The following OSBPL11 variants were observed in gnomAD, a reference collection of about 807,000 sequenced individuals.
OSBPL11 encodes oxysterol-binding protein-related protein 11.
OSBPL11 carries 33 observed loss-of-function variants against 84.4 expected under a neutral mutation model. That is an observed-to-expected ratio of 0.39 (90% CI 0.30 to 0.52). OSBPL11 has a LOEUF of 0.52. Among genes scored for constraint, OSBPL11 ranks in the 20% least tolerant of loss-of-function variants. OSBPL11 has a pLI of 0.72. For synonymous variants in OSBPL11, 276 were observed against 310.2 expected (o/e 0.89, Z 1.16); for missense variants, 736 against 901.1 (o/e 0.82, Z 2.35).
At chr3:125,569,971 G>T (rs1936219284) in intron 5 of OSBPL11, among the ~76,000 whole-genome samples, 1 of 152,188 alleles carries the variant, frequency 6.6e-6, no homozygotes, top group African/African-American at 2.4e-5. Flanking sequence ...AATCCAGGAG[G>T]TGGTTATGCA....
At chr3:125,582,795 T>G (rs1936448592) in intron 2 of OSBPL11, 115 bp downstream of exon 2, 2 of 788,428 alleles carry the variant, frequency 2.5e-6, no homozygotes, top group African/African-American at 1.8e-5. Flanking sequence ...GGGAAATCCT[T>G]CTCTAAAAGG....
intron 10 of OSBPL11, among the ~76,000 whole-genome samples, chr3:125,546,521 G>A (rs908484647): frequency 4.6e-5 from 7 of 152,008 alleles, no homozygotes; most frequent in African/African-American, 1.4e-4. Context: ...TAGTAGAGAC[G>A]GAGTCTCGTC....
At position 125,538,432 on chromosome 3, in the gene OSBPL11, A is replaced by C. The variant is rs1290905154; in HGVS notation, c.2024+19T>G. On this transcript the variant is annotated intron_variant, in intron 11 of 12. Coordinates refer to ENST00000296220, the MANE Select transcript of OSBPL11 (RefSeq NM_022776.5). ...CAGAGCATCTGACTCTTTCCTGGATAGATGCAAGGATGACATACCTGGATT... is the reference window on the plus strand; with the variant it reads ...CAGAGCATCTGACTCTTTCCTGGATCGATGCAAGGATGACATACCTGGATT... 13 of 1,607,280 alleles carry C rather than the reference A, an allele frequency of 8.1e-6. No individual in the cohort carries two copies. The highest frequency in any genetic ancestry group is 4.0e-5 in the African/African-American group (3 of 74,846).
At chr3:125,553,286 C>T (rs971915728) in intron 8 of OSBPL11, among the ~76,000 whole-genome samples, 27 of 152,206 alleles carry the variant, frequency 1.8e-4, no homozygotes, top group African/African-American at 5.3e-4. Flanking sequence ...CATGCCTTTG[C>T]TCCTTTCCTA....
In OSBPL11 at chr3:125,595,450, C is replaced by T. The variant is rs1013953224; in HGVS notation, c.-650G>A. Among the ~76,000 whole-genome samples the T allele has an allele frequency of 2.6e-5, 4 of 152,184 alleles. No individual in the cohort carries two copies. The highest frequency in any genetic ancestry group is 9.7e-5 in the African/African-American group (4 of 41,444). On this transcript the variant is annotated 5_prime_UTR_variant, in exon 1 of 13. Coordinates refer to ENST00000296220, the MANE Select transcript of OSBPL11 (RefSeq NM_022776.5). ...CTGGCCCGGGCCCTCGACTGGGTTC[C>T]CAGGAGCCGGTGAGTCTCTCGCGCT...
At chr3:125,539,245 T>C (rs1399944960) in intron 10 of OSBPL11, among the ~76,000 whole-genome samples, 1 of 135,280 alleles carries the variant, frequency 7.4e-6, no homozygotes, top group African/African-American at 2.7e-5. Flanking sequence ...ACCACAGAAC[T>C]CAGAGAGACC....
intron 5 of OSBPL11, among the ~76,000 whole-genome samples, chr3:125,570,700 T>TTCTC (rs1263974937): frequency 6.6e-6 from 1 of 152,094 alleles, no homozygotes; most frequent in Admixed American, 6.6e-5. Flanking sequence ...CCTGCACAAG[T>TTCTC]TCTCTCTCTT....
intron 1 of OSBPL11, among the ~76,000 whole-genome samples, chr3:125,583,434 C>T (rs1483909947): frequency 6.6e-6 from 1 of 150,864 alleles, no homozygotes; most frequent in African/African-American, 2.4e-5. Flanking sequence ...TACAAAAATT[C>T]ATCGGGCGTG....
In OSBPL11 at chr3:125,542,509, A is replaced by ATT. The variant is rs35801148; in HGVS notation, c.1842-3878_1842-3877dup. ...TGCCACCATGTCCTGCTAATTTTGT[A>ATT]TTTTTTTTTTTTTTTTTGAGACGTA... On this transcript the variant is annotated intron_variant, in intron 10 of 12. Transcript: ENST00000296220. Among the ~76,000 whole-genome samples the ATT allele has an allele frequency of 1.5e-3, 178 of 119,846 alleles. 3 individuals are homozygous for ATT. Among genetic ancestry groups the ATT allele is most frequent in the East Asian group, 4.3e-3 (18 of 4,186 alleles). 78.6% of individuals were successfully genotyped at this position (119,846 alleles called of 152,430 possible). A position where few individuals can be genotyped will look rare whatever the true frequency, so the allele number is the denominator to read the frequency against.
At chr3:125,552,139 G>GTA in intron 9 of OSBPL11, 42 bp downstream of exon 9, 1 of 1,001,758 alleles carries the variant, frequency 1.0e-6, no homozygotes, top group Non-Finnish European at 1.3e-6. Flanking sequence ...ATATGTGTGT[G>GTA]TGTATATATA....
Position 125,594,993 on chromosome 3 carries a change from G to A in OSBPL11, c.-193C>T, listed in dbSNP as rs1457475938. ...CCCACAGAAGTTAAACTTTTGAGAG[G>A]GCAGGGGAAGCAACGAGGACAGATA... On this transcript the variant is annotated 5_prime_UTR_variant, in exon 1 of 13. Transcript: ENST00000296220. 1.2e-5 allele frequency: 7 copies of A among 579,290 alleles called. No homozygotes were observed. Among genetic ancestry groups the A allele is most frequent in the Non-Finnish European group, 2.1e-5 (7 of 331,916 alleles). The allele number at this position is 579,290 out of a possible 1,614,324, so 35.9% of individuals were successfully genotyped here.
At chr3:125,553,388 A>C (rs1285868809) in intron 8 of OSBPL11, among the ~76,000 whole-genome samples, 1 of 152,234 alleles carries the variant, frequency 6.6e-6, no homozygotes, top group Non-Finnish European at 1.5e-5. Context: ...TCACAGACCG[A>C]AGCAAAAACT....
chr3:125,576,266 T>TA lies in OSBPL11; in HGVS notation c.588dup (p.Asn197Ter). 1 of 1,610,898 alleles carries TA rather than the reference T, an allele frequency of 6.2e-7. No homozygotes were observed. The highest frequency in any genetic ancestry group is 1.1e-5 in the South Asian group (1 of 90,514). On this transcript the variant is annotated frameshift_variant, in exon 5 of 13. Transcript: ENST00000296220. LOFTEE classifies it high-confidence loss of function. The stretch of plus-strand genomic sequence containing the variant: ...GATTGCAGTTTGGAATGTCCAACAT[T>TA]AAAAAAAGAAATGGCATTTTGACTT...
chr3:125,555,869 G>A (rs1319947456), intron 8 of OSBPL11, among the ~76,000 whole-genome samples: 1 of 152,060 alleles, frequency 6.6e-6, no homozygotes, highest in African/African-American at 2.4e-5. Flanking sequence ...ACTTTTAGTA[G>A]AGGGGATTTT....
At chr3:125,573,628 C>A (rs185808133) in intron 5 of OSBPL11, among the ~76,000 whole-genome samples, 1 of 152,024 alleles carries the variant, frequency 6.6e-6, no homozygotes, top group East Asian at 1.9e-4. Flanking sequence ...TTTGGGAGGC[C>A]GAGGCGGGTG....
At chr3:125,562,003 T>C (rs1580051489) in intron 7 of OSBPL11, among the ~76,000 whole-genome samples, 1 of 152,296 alleles carries the variant, frequency 6.6e-6, no homozygotes. Context: ...TAAACACACA[T>C]GCCTTAGGAT....
At chr3:125,588,221 CA>C (rs35794012) in intron 1 of OSBPL11, among the ~76,000 whole-genome samples, 1,718 of 51,658 alleles carry the variant, frequency 0.033, 7 homozygotes, top group Non-Finnish European at 0.049. Flanking sequence ...GACCCTGTCT[CA>C]AAAAAAAAAA....
In OSBPL11 at chr3:125,531,804, A is replaced by C. The variant is rs551506613; in HGVS notation, c.2178+57T>G. On this transcript the variant is annotated intron_variant, in intron 12 of 12. Coordinates refer to ENST00000296220, the MANE Select transcript of OSBPL11 (RefSeq NM_022776.5). ...GATAGCAATTCAACAAAGCCTAGTA[A>C]GCTAAAGTTCTCAGCCAAGTAGATA... 4 of 1,493,374 alleles carry C rather than the reference A, an allele frequency of 2.7e-6. No individual in the cohort carries two copies. In the African/African-American group the frequency reaches 4.2e-5, roughly 16 times the overall value. 92.5% of individuals were successfully genotyped at this position (1,493,374 alleles called of 1,614,324 possible). A position where few individuals can be genotyped will look rare whatever the true frequency, so the allele number is the denominator to read the frequency against.
chr3:125,532,622 G>A (rs1435227697), intron 11 of OSBPL11, among the ~76,000 whole-genome samples: 2 of 149,974 alleles, frequency 1.3e-5, no homozygotes, highest in African/African-American at 2.4e-5. Context: ...CACTTCTTTA[G>A]GGAAAGAACT....
Sources: allele counts gnomAD v4.1 joint callset (sites outside exome capture counted in the v4.1 genomes callset), GRCh38; gene constraint gnomAD v4.1.1; transcripts MANE v1.5; gene names NCBI Gene and HGNC (gene_info 2026-07-23, HGNC 2026-07-21).